EIF2S2: variants seen among roughly 807,000 people sequenced by gnomAD.
EIF2S2 encodes eukaryotic translation initiation factor 2 subunit beta.
Under a neutral mutation model 44.0 loss-of-function variants are expected in EIF2S2, and 4 were observed. The ratio of observed to expected loss-of-function variants is 0.09; its 90% CI spans 0.04 to 0.21. The LOEUF is 0.21. Ranked by LOEUF, EIF2S2 falls within the 10% of genes least tolerant of loss-of-function variation. EIF2S2 has a pLI of 1.00. For missense variants in EIF2S2, 154 were observed against 392.0 expected (o/e 0.39, Z 5.13); for synonymous variants, 108 against 128.3 (o/e 0.84, Z 1.07).
chr20:34,104,661 A>T (rs575988185), intron 2 of EIF2S2, among the ~76,000 whole-genome samples: 1 of 152,336 alleles, frequency 6.6e-6, no homozygotes, highest in East Asian at 1.9e-4. Context: ...GTTCTGTTCA[A>T]CAAGTTTTCC....
At chr20:34,104,692 A>C (rs1178874443) in intron 2 of EIF2S2, among the ~76,000 whole-genome samples, 1 of 152,246 alleles carries the variant, frequency 6.6e-6, no homozygotes. Context: ...CCATGTTATA[A>C]ACTAGAAATA....
At chr20:34,108,347 C>G (rs1395286012) in intron 1 of EIF2S2, 5 of 152,156 alleles carry the variant, frequency 3.3e-5, no homozygotes, top group Non-Finnish European at 7.3e-5. Flanking sequence ...TGTCTGGATA[C>G]TTAACATACA....
rs755637933 is a variant in EIF2S2 at position 34,098,565 on chromosome 20, G to A, written c.366C>T (p.Gly122=). Residue 122 remains glycine (G), a synonymous_variant, in exon 4 of 9, where the codon GGC becomes GGT. Coordinates refer to ENST00000374980, the MANE Select transcript of EIF2S2 (RefSeq NM_003908.5). ...EPEDDLDIML[G]NKKKKKKNVK... is the part of the protein sequence containing the mutation. Reference sequence around the variant, plus strand: ...CATTCTTCTTTTTCTTCTTTTTATTGCCAAGCATAATGTCAAGGTCATCCT... The same window carrying A: ...CATTCTTCTTTTTCTTCTTTTTATTACCAAGCATAATGTCAAGGTCATCCT... The A allele has an allele frequency of 6.2e-7, 1 of 1,613,654 alleles. No individual in the cohort carries two copies. The highest frequency in any genetic ancestry group is 8.5e-7 in the Non-Finnish European group (1 of 1,179,906).
chr20:34,106,795 T>C (rs780664762), intron 1 of EIF2S2, among the ~76,000 whole-genome samples: 1 of 152,158 alleles, frequency 6.6e-6, no homozygotes, highest in Non-Finnish European at 1.5e-5. Context: ...TTATAATTTG[T>C]AGACTATCTG....
chr20:34,109,300 C>G (rs1358946206), intron 1 of EIF2S2, among the ~76,000 whole-genome samples: 4 of 152,038 alleles, frequency 2.6e-5, no homozygotes, highest in Non-Finnish European at 5.9e-5. Context: ...ATTGATGCTG[C>G]TTTTAACAAA....
At chr20:34,111,948 C>T in intron 1 of EIF2S2, 148 bp downstream of exon 1, 2 of 919,066 alleles carry the variant, frequency 2.2e-6, no homozygotes, top group Non-Finnish European at 2.9e-6. Flanking sequence ...CCGGAGTCCT[C>T]GCCGGCTCTG....
At chr20:34,109,909 C>T (rs1024230788) in intron 1 of EIF2S2, among the ~76,000 whole-genome samples, 4 of 151,116 alleles carry the variant, frequency 2.6e-5, no homozygotes, top group African/African-American at 7.3e-5. Flanking sequence ...TCAAGACCAA[C>T]ATAGTGAGAC....
chr20:34,096,846 T>C (rs767967772), intron 5 of EIF2S2, 41 bp from the exon 6 acceptor site: 3 of 1,576,110 alleles, frequency 1.9e-6, no homozygotes, highest in Non-Finnish European at 2.6e-6. Flanking sequence ...GCTTAGTAAC[T>C]GCAGGGGTAT....
At chr20:34,090,414 G>T in intron 8 of EIF2S2, 103 bp downstream of exon 8, 2 of 677,768 alleles carry the variant, frequency 3.0e-6, no homozygotes, top group South Asian at 2.6e-5. Context: ...TCTTTTTAAG[G>T]CCAGCTTTTC....
chr20:34,096,217 T>G (rs1254592639), intron 6 of EIF2S2, among the ~76,000 whole-genome samples: 2 of 151,992 alleles, frequency 1.3e-5, no homozygotes, highest in Admixed American at 1.3e-4. Context: ...TCAGCATGAG[T>G]TGATTTCTCT....
chr20:34,103,972 G>A (rs1253273896), intron 2 of EIF2S2, among the ~76,000 whole-genome samples: 1 of 152,124 alleles, frequency 6.6e-6, no homozygotes, highest in African/African-American at 2.4e-5. Flanking sequence ...GCCTCCCAAA[G>A]TGCTGGGATT....
intron 1 of EIF2S2, 104 bp downstream of exon 1, chr20:34,111,992 A>C: frequency 8.0e-7 from 1 of 1,246,646 alleles, no homozygotes; most frequent in Non-Finnish European, 1.0e-6. Flanking sequence ...GCTGCCTCAC[A>C]TGGCGGCGGC....
In EIF2S2 at chr20:34,105,317, T is replaced by G. The variant is rs774294804; in HGVS notation, c.193+51A>C. The G allele has an allele frequency of 1.5e-5, 23 of 1,581,234 alleles. No individual in the cohort carries two copies. In the East Asian group the frequency reaches 4.9e-4, roughly 34 times the overall value. On this transcript the variant is annotated intron_variant, in intron 2 of 8. Transcript: ENST00000374980. ...GCATATCCAAAAGCCAAAACGCTCATAGAACCAGGGCTTCTATGACAACAG... is the reference window on the plus strand; with the variant it reads ...GCATATCCAAAAGCCAAAACGCTCAGAGAACCAGGGCTTCTATGACAACAG...
chr20:34,093,280 C>T (rs1049821666), intron 7 of EIF2S2, among the ~76,000 whole-genome samples: 4 of 152,330 alleles, frequency 2.6e-5, no homozygotes, highest in East Asian at 1.9e-4. Context: ...TCTCCAGTGC[C>T]ACTCATCAAC....
rs573243694 is a variant in EIF2S2 at position 34,092,593 on chromosome 20, G to A, written c.740+1082C>T. 2.0e-5 allele frequency among the ~76,000 whole-genome samples: 3 copies of A among 152,300 alleles called. No homozygotes were observed. The South Asian group carries it at 6.2e-4, about 32-fold the overall frequency. On this transcript the variant is annotated intron_variant, in intron 7 of 8. Transcript: ENST00000374980. ...TGAGGCAGGAGAATGGCATGAACCC[G>A]GGAAGCAGGCTTGCAGTGAGCCGAG... is the stretch of plus-strand genomic sequence containing the variant.
chr20:34,091,776 T>TTGTG (rs4012181), intron 7 of EIF2S2, among the ~76,000 whole-genome samples: 5 of 95,814 alleles, frequency 5.2e-5, no homozygotes, highest in Non-Finnish European at 6.1e-5. Context: ...TTTATTTTTT[T>TTGTG]GGGGGGGGGG....
chr20:34,111,718 C>G (rs939723612), intron 1 of EIF2S2, among the ~76,000 whole-genome samples: 3 of 152,234 alleles, frequency 2.0e-5, no homozygotes, highest in Non-Finnish European at 4.4e-5. Flanking sequence ...CCTGGCACCC[C>G]CGGCACCCAG....
chr20:34,107,918 A>C (rs1314521066), intron 1 of EIF2S2, among the ~76,000 whole-genome samples: 5 of 152,262 alleles, frequency 3.3e-5, no homozygotes, highest in Non-Finnish European at 5.9e-5. Flanking sequence ...CAACTTAAAG[A>C]AGTGTCCCTA....
chr20:34,093,827 A>C, intron 6 of EIF2S2, 96 bp from the exon 7 acceptor site: 5 of 1,119,698 alleles, frequency 4.5e-6, no homozygotes, highest in Non-Finnish European at 6.4e-6. Context: ...GTGATTATTT[A>C]GCTATTAAGT....
Sources: allele counts gnomAD v4.1 joint callset (sites outside exome capture counted in the v4.1 genomes callset), GRCh38; gene constraint gnomAD v4.1.1; transcripts MANE v1.5; gene names NCBI Gene and HGNC (gene_info 2026-07-23, HGNC 2026-07-21).